COPS9: variants seen among roughly 807,000 people sequenced by gnomAD.
COPS9 encodes COP9 signalosome subunit 9, also known as COP9 signalosome complex subunit 9.
Under a neutral mutation model 7.2 loss-of-function variants are expected in COPS9, and 8 were observed. The ratio of observed to expected loss-of-function variants is 1.11; its 90% CI spans 0.65 to 2.00. COPS9 has a LOEUF of 2.00. Ranked by LOEUF, COPS9 falls within the 30% of genes most tolerant of loss-of-function variation. The pLI, the probability that COPS9 is intolerant of heterozygous loss-of-function variation, is 0.00. For missense variants in COPS9, 74 were observed against 77.7 expected, an observed-to-expected ratio of 0.95 and a Z score of 0.18; for synonymous variants, 39 against 28.7, an observed-to-expected ratio of 1.36 and a Z score of -1.14.
intron 1 of COPS9, chr2:240,134,354 T>G (rs575836929): frequency 5.8e-5 from 13 of 223,742 alleles, no homozygotes; most frequent in African/African-American, 2.3e-4. Flanking sequence ...CATGCGAAAT[T>G]GAGCCCATCG....
At chr2:240,130,825 A>G, downstream of COPS9, 2 of 1,402,070 alleles carry the variant, frequency 1.4e-6, no homozygotes, top group Non-Finnish European at 9.2e-7. Context: ...ATCACTCCAC[A>G]TGTGACATTG....
At chr2:240,130,671 C>T (rs1332293427), downstream of COPS9, among the ~76,000 whole-genome samples, 4 of 152,276 alleles carry the variant, frequency 2.6e-5, no homozygotes, top group East Asian at 7.7e-4. Flanking sequence ...TGCTCCAGCA[C>T]ATACAGCACC....
At chr2:240,134,694 T>G (rs1021453614) in intron 1 of COPS9, among the ~76,000 whole-genome samples, 2 of 152,102 alleles carry the variant, frequency 1.3e-5, no homozygotes, top group African/African-American at 4.8e-5. Context: ...GATCCCCACA[T>G]AGCTGCATGC....
chr2:240,129,329 A>G (rs905480933), downstream of COPS9, among the ~76,000 whole-genome samples: 1 of 151,964 alleles, frequency 6.6e-6, no homozygotes, highest in Non-Finnish European at 1.5e-5. Context: ...TGCTCAGCTC[A>G]TTTTTTTAAT....
In COPS9 at chr2:240,130,840, CTTTT is replaced by C; in HGVS notation, c.*207_*210del. The C allele has an allele frequency of 7.1e-7, 1 of 1,404,980 alleles. No individual in the cohort carries two copies. Among genetic ancestry groups the C allele is most frequent in the Non-Finnish European group, 9.2e-7 (1 of 1,084,160 alleles). 87.0% of individuals were successfully genotyped at this position (1,404,980 alleles called of 1,614,324 possible). A position where few individuals can be genotyped will look rare whatever the true frequency, so the allele number is the denominator to read the frequency against. On this transcript the variant is annotated 3_prime_UTR_variant, in exon 3 of 3. Transcript: ENST00000607357. The stretch of plus-strand genomic sequence containing the variant: ...ATCACTCCACATGTGACATTGCTTT[CTTTT>C]AATTGGAGTGAGGACAAAACCTGAT...
chr2:240,129,902 ACTT>A, downstream of COPS9: 1 of 1,612,306 alleles, frequency 6.2e-7, no homozygotes, highest in East Asian at 2.2e-5. Flanking sequence ...ACAGAGATGC[ACTT>A]CTTACCTCTT....
chr2:240,134,991 C>T (rs891068480), intron 1 of COPS9, among the ~76,000 whole-genome samples: 6 of 80,806 alleles, frequency 7.4e-5, no homozygotes, highest in Admixed American at 6.2e-4. Flanking sequence ...TCGCCTAGGA[C>T]TGTGAAGCCT....
At chr2:240,131,110 C>G (rs761003068) in intron 2 of COPS9, 22 bp from the exon 3 acceptor site, 8 of 1,610,402 alleles carry the variant, frequency 5.0e-6, no homozygotes, top group Non-Finnish European at 6.8e-6. Context: ...AGCAAAACCA[C>G]GTAGTTACAC....
In COPS9 at chr2:240,133,957, C is replaced by G. The variant is rs760016510; in HGVS notation, c.112G>C (p.Ala38Pro). 3.1e-6 allele frequency: 5 copies of G among 1,614,178 alleles called. No homozygotes were observed. In the South Asian group the frequency reaches 5.5e-5, roughly 18 times the overall value. Residue 38 changes from alanine (A) to proline (P), a missense_variant, in exon 2 of 3, where the codon GCC becomes CCC. Coordinates refer to ENST00000607357, the MANE Select transcript of COPS9 (RefSeq NM_001163424.2). Reference sequence around the variant, plus strand: ...CCGTTAAAAAAGTCTGCATGAACGGCCTTTTCATTGGCTGCCAAGTCCATC... The same window carrying G: ...CCGTTAAAAAAGTCTGCATGAACGGGCTTTTCATTGGCTGCCAAGTCCATC... ...LLMDLAANEK[A>P]VHADFFNDFE...
At chr2:240,134,721 A>G (rs2071957382) in intron 1 of COPS9, among the ~76,000 whole-genome samples, 1 of 152,050 alleles carries the variant, frequency 6.6e-6, no homozygotes, top group Non-Finnish European at 1.5e-5. Context: ...TCCCTTTCAG[A>G]CACTCTCAGA....
chr2:240,129,500 C>T (rs1231216479), downstream of COPS9, among the ~76,000 whole-genome samples: 1 of 152,156 alleles, frequency 6.6e-6, no homozygotes, highest in Admixed American at 6.5e-5. Flanking sequence ...CAGGAGCCTG[C>T]AGCTCGCTGG....
downstream of COPS9, chr2:240,126,978 G>A (rs76780618): frequency 0.09 from 143,909 of 1,593,736 alleles, 7,434 homozygotes; most frequent in South Asian, 0.11. Flanking sequence ...ACTAGAACGA[G>A]GTCTGGTAGG....
intron 2 of COPS9, among the ~76,000 whole-genome samples, chr2:240,133,545 A>T (rs904311598): frequency 6.6e-6 from 1 of 152,184 alleles, no homozygotes; most frequent in East Asian, 1.9e-4. Context: ...GTGGGCTGGG[A>T]GAGGAAAGGA....
In COPS9 at chr2:240,131,089, C is replaced by A; in HGVS notation, c.137-1G>T. The A allele has an allele frequency of 6.2e-7, 1 of 1,612,552 alleles. No homozygotes were observed. The highest frequency in any genetic ancestry group is 8.5e-7 in the Non-Finnish European group (1 of 1,179,476). On this transcript the variant is annotated splice_acceptor_variant, in intron 2 of 2. Coordinates refer to ENST00000607357, the MANE Select transcript of COPS9 (RefSeq NM_001163424.2). LOFTEE classifies it high-confidence loss of function. ...TCATCATCAAAAAGATCTTCAAAAT[C>A]TAGGGAAATAAGCAAAACCACGTAG...
chr2:240,134,202 A>C, intron 1 of COPS9, 197 bp from the exon 2 acceptor site: 1 of 575,998 alleles, frequency 1.7e-6, no homozygotes, highest in East Asian at 2.9e-5. Flanking sequence ...AATGATTTTT[A>C]AGGTCTCTCA....
Position 240,130,978 on chromosome 2 carries a change from G to C in COPS9, c.*73C>G. The C allele has an allele frequency of 1.3e-6, 2 of 1,571,486 alleles. No individual in the cohort carries two copies. The highest frequency in any genetic ancestry group is 1.7e-6 in the Non-Finnish European group (2 of 1,161,226). On this transcript the variant is annotated 3_prime_UTR_variant, in exon 3 of 3. Coordinates refer to ENST00000607357, the MANE Select transcript of COPS9 (RefSeq NM_001163424.2). ...TTCCACGTGTTCTTTAAAACCACCT[G>C]AAACTGTCCTGCGCAGGCTCACACT...
downstream of COPS9, chr2:240,126,902 G>T: frequency 6.2e-7 from 1 of 1,614,018 alleles, no homozygotes; most frequent in Non-Finnish European, 8.5e-7. Context: ...CAAACGCTCT[G>T]TCCAAAGCTG....
chr2:240,128,704 G>A (rs967384872), downstream of COPS9, among the ~76,000 whole-genome samples: 3 of 152,156 alleles, frequency 2.0e-5, no homozygotes, highest in South Asian at 2.1e-4. Context: ...GTTTTGCCAC[G>A]GGAGTGACCG....
chr2:240,129,948 C>T (rs369268715), downstream of COPS9: 57 of 1,614,034 alleles, frequency 3.5e-5, no homozygotes, highest in Admixed American at 3.5e-4. Context: ...TGCCTTCCCA[C>T]GGACCCCGTG....
Sources: allele counts gnomAD v4.1 joint callset (sites outside exome capture counted in the v4.1 genomes callset), GRCh38; gene constraint gnomAD v4.1.1; transcripts MANE v1.5; gene names NCBI Gene and HGNC (gene_info 2026-07-23, HGNC 2026-07-21).